The following IPO11 variants were observed in gnomAD, a reference collection of about 807,000 sequenced individuals.
The protein encoded by IPO11 is importin 11, also known as importin-11.
In IPO11, 66 loss-of-function variants were observed where a neutral mutation model predicts 143.2. The observed-to-expected ratio is 0.46, with a 90% CI of 0.38 to 0.57. The LOEUF (loss-of-function observed/expected upper bound fraction) is 0.57, where lower values mean the gene tolerates loss of function less well. Among genes scored for constraint, IPO11 ranks in the 20% least tolerant of loss-of-function variants. The probability of loss-of-function intolerance (pLI) is 0.00; values close to 1 mark genes in which losing one functional copy is unlikely to be tolerated. For missense variants in IPO11, 1,026 were observed against 1,141.0 expected, an observed-to-expected ratio of 0.90 and a Z score of 1.45; for synonymous variants, 385 against 377.8, an observed-to-expected ratio of 1.02 and a Z score of -0.22.
intron 22 of IPO11, among the ~76,000 whole-genome samples, chr5:62,535,720 A>G (rs1434743296): frequency 6.6e-6 from 1 of 152,174 alleles, no homozygotes; most frequent in Non-Finnish European, 1.5e-5. Flanking sequence ...GAAAATTCAC[A>G]TCTGAATAGA....
chr5:62,498,226 T>A (rs1455676519), intron 16 of IPO11, among the ~76,000 whole-genome samples: 1 of 152,118 alleles, frequency 6.6e-6, no homozygotes, highest in East Asian at 1.9e-4. Context: ...TTTTTAAACT[T>A]ATTGTTAACA....
chr5:62,504,793 G>A, intron 17 of IPO11, 65 bp from the exon 18 acceptor site: 1 of 1,330,482 alleles, frequency 7.5e-7, no homozygotes, highest in Non-Finnish European at 1.0e-6. Context: ...ATGTATACTT[G>A]TTTTAGATAC....
chr5:62,444,051 T>C (rs1283886753), intron 3 of IPO11, among the ~76,000 whole-genome samples: 1 of 152,170 alleles, frequency 6.6e-6, no homozygotes, highest in African/African-American at 2.4e-5. Context: ...ATTTTCAGGC[T>C]GCACTTGGGA....
In IPO11 at chr5:62,520,497, A is replaced by T. The variant is rs538803182; in HGVS notation, c.1896+4996A>T. On this transcript the variant is annotated intron_variant, in intron 20 of 29. Coordinates refer to ENST00000325324, the MANE Select transcript of IPO11 (RefSeq NM_016338.5). ...CATTAACTCGTCATTTACATTAGGT[A>T]TATCTCCTAATGTTATCCCTCCCCA... is the stretch of plus-strand genomic sequence containing the variant. Among the ~76,000 whole-genome samples the T allele has an allele frequency of 2.6e-5, 4 of 152,112 alleles. No individual in the cohort carries two copies. The South Asian group carries it at 8.3e-4, about 32-fold the overall frequency.
chr5:62,536,596 C>T, intron 22 of IPO11, 106 bp from the exon 23 acceptor site: 1 of 1,314,778 alleles, frequency 7.6e-7, no homozygotes, highest in African/African-American at 1.6e-5. Flanking sequence ...GAAGAGGTTT[C>T]TAGAGTATGC....
At chr5:62,436,015 C>CT (rs1281411610) in intron 1 of IPO11, among the ~76,000 whole-genome samples, 4 of 152,146 alleles carry the variant, frequency 2.6e-5, no homozygotes, top group Non-Finnish European at 2.9e-5. Flanking sequence ...GAGTGAGACT[C>CT]TGTCTCAAAA....
intron 5 of IPO11, among the ~76,000 whole-genome samples, chr5:62,459,810 A>T (rs568576882): frequency 2.0e-5 from 3 of 152,246 alleles, no homozygotes; most frequent in African/African-American, 7.2e-5. Flanking sequence ...TGGCCTCCCA[A>T]AGTGCTGGGA....
intron 4 of IPO11, 103 bp from the exon 5 acceptor site, chr5:62,451,627 G>A (rs1744928298): frequency 1.4e-5 from 12 of 857,782 alleles, no homozygotes; most frequent in Non-Finnish European, 2.2e-5. Flanking sequence ...CAGTGAAATC[G>A]TATTCATTTT....
chr5:62,560,278 G>A (rs1743728814), intron 26 of IPO11, among the ~76,000 whole-genome samples: 1 of 152,138 alleles, frequency 6.6e-6, no homozygotes, highest in Non-Finnish European at 1.5e-5. Context: ...TCCGCAGTCA[G>A]ATTAAAGAAT....
At chr5:62,516,046 T>G (rs1742002123) in intron 20 of IPO11, among the ~76,000 whole-genome samples, 1 of 152,098 alleles carries the variant, frequency 6.6e-6, no homozygotes, top group Non-Finnish European at 1.5e-5. Flanking sequence ...CATAGTCTGG[T>G]GAGAGTATGG....
At chr5:62,493,572 CTT>C (rs774338851) in intron 15 of IPO11, among the ~76,000 whole-genome samples, 25 of 142,542 alleles carry the variant, frequency 1.8e-4, no homozygotes, top group Non-Finnish European at 2.2e-4. Context: ...AGGCTTTAAG[CTT>C]TTTTTTTTTT....
chr5:62,469,856 G>T (rs906950772), intron 6 of IPO11, among the ~76,000 whole-genome samples: 1 of 152,138 alleles, frequency 6.6e-6, no homozygotes, highest in African/African-American at 2.4e-5. Context: ...GGAGATAATT[G>T]TATTTCCATT....
At chr5:62,508,298 A>ATTT (rs70981020) in intron 19 of IPO11, among the ~76,000 whole-genome samples, 27 of 127,468 alleles carry the variant, frequency 2.1e-4, no homozygotes, top group African/African-American at 7.2e-4. Context: ...TGCCTGGCTA[A>ATTT]TTTTTTTTTT....
At chr5:62,548,479 G>T (rs1743285115) in intron 24 of IPO11, among the ~76,000 whole-genome samples, 1 of 152,024 alleles carries the variant, frequency 6.6e-6, no homozygotes, top group African/African-American at 2.4e-5. Context: ...ATTCCATTGG[G>T]CACTGATGGG....
chr5:62,612,921 A>G (rs1279496685), intron 29 of IPO11, among the ~76,000 whole-genome samples: 1 of 152,238 alleles, frequency 6.6e-6, no homozygotes, highest in Non-Finnish European at 1.5e-5. Flanking sequence ...AGTCTGTAGG[A>G]AAAATTCTTA....
At chr5:62,421,158 CTCT>C (rs1743501920) in intron 1 of IPO11, among the ~76,000 whole-genome samples, 1 of 152,100 alleles carries the variant, frequency 6.6e-6, no homozygotes, top group African/African-American at 2.4e-5. Context: ...AAACATTTAG[CTCT>C]TCTTTTCTAT....
intron 29 of IPO11, among the ~76,000 whole-genome samples, chr5:62,626,750 G>C (rs1292606769): frequency 1.3e-5 from 2 of 150,260 alleles, no homozygotes; most frequent in East Asian, 2.0e-4. Context: ...CTCCTTTCTC[G>C]ATCCTGAGGG....
Position 62,550,388 on chromosome 5 carries a change from G to A in IPO11, c.2272G>A (p.Val758Met), listed in dbSNP as rs1191180936. 2.5e-6 allele frequency: 4 copies of A among 1,612,584 alleles called. No individual in the cohort carries two copies. In the African/African-American group the frequency reaches 5.3e-5, roughly 22 times the overall value. Residue 758 changes from valine to methionine, a missense_variant, in exon 25 of 30, where the codon GTG becomes ATG. Coordinates refer to ENST00000325324, the MANE Select transcript of IPO11 (RefSeq NM_016338.5). ...TTAGGTTGTGGAAAATGCCCTTAAA[G>A]TGAACCCAATACTAGGTCCACAAAT... ...VLKVVENALKVNPILGPQMFQ... is the reference protein window; with the variant it reads ...VLKVVENALKMNPILGPQMFQ...
chr5:62,617,550 A>G (rs1374296793), intron 29 of IPO11, among the ~76,000 whole-genome samples: 2 of 152,182 alleles, frequency 1.3e-5, no homozygotes, highest in Non-Finnish European at 2.9e-5. Context: ...TAAATATTCT[A>G]TTACACTTTG....
Sources: gnomAD v4.1 joint callset for allele counts (sites outside exome capture counted in the v4.1 genomes callset) on GRCh38, gnomAD v4.1.1 for gene constraint, MANE v1.5 for transcripts, NCBI Gene and HGNC (gene_info 2026-07-23, HGNC 2026-07-21) for gene names.